MAP2K6: variants seen among roughly 807,000 people sequenced by gnomAD.
The protein encoded by MAP2K6 is mitogen-activated protein kinase kinase 6.
A neutral mutation model predicts 53.7 loss-of-function variants in MAP2K6; 16 were observed. The observed-to-expected ratio is 0.30, with a 90% CI of 0.20 to 0.45. The LOEUF is 0.45. MAP2K6 is among the 20% of genes least tolerant of loss of function. The probability of loss-of-function intolerance (pLI) is 1.00; values close to 1 mark genes in which losing one functional copy is unlikely to be tolerated. For missense variants in MAP2K6, 204 were observed against 411.9 expected (o/e 0.50, Z 4.37); for synonymous variants, 132 against 143.1 (o/e 0.92, Z 0.55).
intron 1 of MAP2K6, among the ~76,000 whole-genome samples, chr17:69,466,309 A>G (rs890233528): frequency 6.6e-6 from 1 of 151,474 alleles, no homozygotes; most frequent in African/African-American, 2.4e-5. Flanking sequence ...AAAAGAAAAG[A>G]AAAAAAGAAA....
At chr17:69,456,265 G>A (rs796348608) in intron 1 of MAP2K6, among the ~76,000 whole-genome samples, 11 of 152,276 alleles carry the variant, frequency 7.2e-5, no homozygotes, top group African/African-American at 2.2e-4. Context: ...GGTCTGGAGC[G>A]GTGAGTGCCT....
chr17:69,436,694 C>T (rs6501325), intron 1 of MAP2K6, among the ~76,000 whole-genome samples: 8,212 of 152,230 alleles, frequency 0.054, 749 homozygotes, highest in African/African-American at 0.19. Flanking sequence ...CTGCAGAATC[C>T]TCATGTGTCC....
intron 1 of MAP2K6, among the ~76,000 whole-genome samples, chr17:69,496,710 A>C (rs1281432111): frequency 6.6e-6 from 1 of 151,944 alleles, no homozygotes; most frequent in Non-Finnish European, 1.5e-5. Context: ...GTCTCAGGCA[A>C]CTTTCTACCT....
At chr17:69,455,921 C>T (rs557516089) in intron 1 of MAP2K6, among the ~76,000 whole-genome samples, 4 of 142,518 alleles carry the variant, frequency 2.8e-5, no homozygotes, top group South Asian at 2.2e-4. Context: ...AGTGCAATGG[C>T]GCGATCTTGG....
rs1344356136 is a variant in MAP2K6 at position 69,551,013 on chromosome 17, G to T, written c.*9260G>T. The T allele has an allele frequency of 6.6e-6, 1 of 152,166 alleles. No homozygotes were observed. Among genetic ancestry groups the T allele is most frequent in the Non-Finnish European group, 1.5e-5 (1 of 68,034 alleles). 9.4% of individuals were successfully genotyped at this position (152,166 alleles called of 1,614,324 possible). Reference sequence around the variant, plus strand: ...GCATAAATCATTTTGAAAGAAAAATGCAAGGAATTGTTGTATGACAGCCAT... The same window carrying T: ...GCATAAATCATTTTGAAAGAAAAATTCAAGGAATTGTTGTATGACAGCCAT... On this transcript the variant is annotated 3_prime_UTR_variant, in exon 12 of 12. Coordinates refer to ENST00000590474, the MANE Select transcript of MAP2K6 (RefSeq NM_002758.4).
At chr17:69,510,177 C>G (rs1188770803) in intron 2 of MAP2K6, among the ~76,000 whole-genome samples, 1 of 152,120 alleles carries the variant, frequency 6.6e-6, no homozygotes, top group Non-Finnish European at 1.5e-5. Context: ...GGTATTGAAT[C>G]TTGTTGAATG....
intron 2 of MAP2K6, among the ~76,000 whole-genome samples, chr17:69,515,160 CTT>C (rs879532445): frequency 1.3e-4 from 18 of 138,584 alleles, no homozygotes; most frequent in Admixed American, 2.2e-4. Flanking sequence ...TCGAAATTTG[CTT>C]TTTTTTTTTT....
At chr17:69,512,328 G>GGTTTTTT (rs1909867833) in intron 2 of MAP2K6, among the ~76,000 whole-genome samples, 1 of 75,184 alleles carries the variant, frequency 1.3e-5, no homozygotes, top group Non-Finnish European at 2.6e-5. Context: ...CTTTCTAAGT[G>GGTTTTTT]TTTTTTTTTT....
At chr17:69,440,640 T>C (rs991079312) in intron 1 of MAP2K6, among the ~76,000 whole-genome samples, 3 of 152,162 alleles carry the variant, frequency 2.0e-5, no homozygotes, top group East Asian at 3.8e-4. Flanking sequence ...TGGTGAAAAA[T>C]TCTCAGAGTT....
rs1908874576 is a variant in MAP2K6 at position 69,494,667 on chromosome 17, T to C, written c.17-11113T>C. Among the ~76,000 whole-genome samples, 1 of 152,026 alleles carries C rather than the reference T, an allele frequency of 6.6e-6. No homozygotes were observed. The highest frequency in any genetic ancestry group is 2.4e-5 in the African/African-American group (1 of 41,386). On this transcript the variant is annotated intron_variant, in intron 1 of 11. Coordinates refer to ENST00000590474, the MANE Select transcript of MAP2K6 (RefSeq NM_002758.4). This position sits in a 1 kb window ranked among gnomAD's most constrained non-coding sequence, Gnocchi z 4.2. Reference sequence around the variant, plus strand: ...AAGCAGCTGGTTGAATTAAAGTTACTATCTTGGAGTTTCCTTTGGTTAAAA... The same window carrying C: ...AAGCAGCTGGTTGAATTAAAGTTACCATCTTGGAGTTTCCTTTGGTTAAAA...
intron 10 of MAP2K6, among the ~76,000 whole-genome samples, chr17:69,532,367 C>G (rs1598316918): frequency 6.6e-6 from 1 of 152,322 alleles, no homozygotes; most frequent in Middle Eastern, 3.4e-3. Flanking sequence ...AAACTACAAG[C>G]TAGCAATTCT....
chr17:69,505,440 C>T (rs1261254063), intron 1 of MAP2K6: 1 of 161,912 alleles, frequency 6.2e-6, no homozygotes, highest in Non-Finnish European at 1.1e-5. Context: ...GAGACTCTGT[C>T]TCAAAAAAAA....
intron 1 of MAP2K6, among the ~76,000 whole-genome samples, chr17:69,443,268 T>G (rs180940869): frequency 6.6e-6 from 1 of 152,298 alleles, no homozygotes; most frequent in Admixed American, 6.5e-5. Context: ...GGCTGTTCCC[T>G]TCTGTCCTGA....
At chr17:69,508,048 T>TG (rs1402771948) in intron 2 of MAP2K6, among the ~76,000 whole-genome samples, 1 of 65,462 alleles carries the variant, frequency 1.5e-5, no homozygotes, top group Non-Finnish European at 2.9e-5. Flanking sequence ...GTAGTTTTTT[T>TG]TTTTTTTTTT....
intron 9 of MAP2K6, among the ~76,000 whole-genome samples, chr17:69,526,155 C>T (rs568911568): frequency 6.6e-6 from 1 of 152,290 alleles, no homozygotes; most frequent in East Asian, 1.9e-4. Flanking sequence ...TTCTCCCTGT[C>T]ATTTCACCAA....
rs1240140403 is a variant in MAP2K6, at chr17:69,550,926, A to G, written c.*9173A>G. Reference sequence around the variant, plus strand: ...TGAGTCCCTGGCTTTTGCCGTACTGAGTATGCTCACAGAGATAGGGAGATA... The same window carrying G: ...TGAGTCCCTGGCTTTTGCCGTACTGGGTATGCTCACAGAGATAGGGAGATA... On this transcript the variant is annotated 3_prime_UTR_variant, in exon 12 of 12. Coordinates refer to ENST00000590474, the MANE Select transcript of MAP2K6 (RefSeq NM_002758.4). 1.3e-5 allele frequency: 2 copies of G among 152,228 alleles called. No homozygotes were observed. The highest frequency in any genetic ancestry group is 1.3e-4 in the Admixed American group (2 of 15,282). 9.4% of individuals were successfully genotyped at this position (152,228 alleles called of 1,614,324 possible).
chr17:69,452,405 C>T (rs1907261323), intron 1 of MAP2K6, among the ~76,000 whole-genome samples: 1 of 151,988 alleles, frequency 6.6e-6, no homozygotes, highest in Admixed American at 6.6e-5. Context: ...AGTATTGAAT[C>T]CACAATTCAT....
intron 1 of MAP2K6, among the ~76,000 whole-genome samples, chr17:69,416,944 A>T (rs1905926581): frequency 6.6e-6 from 1 of 152,106 alleles, no homozygotes; most frequent in African/African-American, 2.4e-5. Flanking sequence ...CCAGTTTTTG[A>T]GTTGAGAAGC....
intron 10 of MAP2K6, among the ~76,000 whole-genome samples, chr17:69,534,192 C>A (rs61289363): frequency 0.2 from 30,494 of 152,042 alleles, 3,539 homozygotes; most frequent in African/African-American, 0.32. Context: ...AGCAAAATGA[C>A]CTCCAGCTGA....
Sources: allele counts gnomAD v4.1 joint callset (sites outside exome capture counted in the v4.1 genomes callset), GRCh38; gene constraint gnomAD v4.1.1; non-coding constraint Gnocchi (gnomAD v3.1); transcripts MANE v1.5; gene names NCBI Gene and HGNC (gene_info 2026-07-23, HGNC 2026-07-21).